Variants in TGM6 observed in about 807,000 individuals in gnomAD.
TGM6 encodes the protein transglutaminase 6.
In TGM6, 74 loss-of-function variants were observed where a neutral mutation model predicts 77.5. That is an observed-to-expected ratio of 0.96 (90% confidence interval 0.79 to 1.16). The LOEUF (loss-of-function observed/expected upper bound fraction) is 1.16. Ranked by LOEUF, TGM6 falls within the 50% of genes most tolerant of loss-of-function variation. TGM6 has a pLI of 0.00. For missense variants in TGM6, 968 were observed against 940.2 expected (o/e 1.03, Z -0.39); for synonymous variants, 383 against 378.9 (o/e 1.01, Z -0.12).
intron 1 of TGM6, among the ~76,000 whole-genome samples, chr20:2,385,363 G>C (rs948489033): frequency 2.2e-4 from 33 of 152,236 alleles, no homozygotes; most frequent in African/African-American, 2.6e-4. Flanking sequence ...GGCTGGGGAG[G>C]GGGGAGGTGT....
intron 9 of TGM6, among the ~76,000 whole-genome samples, chr20:2,406,866 A>AAAAAAAAG: frequency 7.0e-6 from 1 of 141,904 alleles, no homozygotes; most frequent in Non-Finnish European, 1.5e-5. Flanking sequence ...AAAAAAAAAA[A>AAAAAAAAG]CCATGGCCAC....
At chr20:2,404,983 T>C (rs920456906) in intron 9 of TGM6, among the ~76,000 whole-genome samples, 5 of 152,204 alleles carry the variant, frequency 3.3e-5, no homozygotes, top group Non-Finnish European at 5.9e-5. Flanking sequence ...GTTTCAGTTA[T>C]ATATCTTAAA....
In TGM6 at chr20:2,424,198, A is replaced by T. The variant is rs1221584889; in HGVS notation, c.1679-6248A>T. Among the ~76,000 whole-genome samples the T allele has an allele frequency of 2.0e-5, 3 of 152,190 alleles. No individual in the cohort carries two copies. In the East Asian group the frequency reaches 5.8e-4, roughly 29 times the overall value. On this transcript the variant is annotated intron_variant, in intron 10 of 12. Transcript: ENST00000202625. ...GCACAGAGTCAGCCTCTCCTTTGAA[A>T]CTTTGAAGCCAGGCATTGACTTCTG...
At chr20:2,418,661 C>A (rs2084834640) in intron 10 of TGM6, among the ~76,000 whole-genome samples, 1 of 152,238 alleles carries the variant, frequency 6.6e-6, no homozygotes, top group Non-Finnish European at 1.5e-5. Context: ...ATATGCTCAA[C>A]ACACCTAATG....
At chr20:2,399,433 A>G (rs1256033194) in intron 5 of TGM6, 128 bp from the exon 6 acceptor site, 8 of 1,274,324 alleles carry the variant, frequency 6.3e-6, no homozygotes, top group African/African-American at 1.5e-5. Flanking sequence ...CCTAATTTTC[A>G]GACAGTTAAA....
At chr20:2,386,748 C>A (rs2084599016) in intron 1 of TGM6, among the ~76,000 whole-genome samples, 1 of 152,102 alleles carries the variant, frequency 6.6e-6, no homozygotes, top group Non-Finnish European at 1.5e-5. Context: ...TCTTGCCCGT[C>A]TGTGATAAGG....
Position 2,406,831 on chromosome 20 carries a change from C to CAAAAAAAAAAAAAA in TGM6, c.1336+3030_1336+3043dup. ...CCTCAGCAACAAGTGCGAAACTCCT[C>CAAAAAAAAAAAAAA]AAAAAAAAAAAAAAAAAAAAAAAAA... On this transcript the variant is annotated intron_variant, in intron 9 of 12. Coordinates refer to ENST00000202625, the MANE Select transcript of TGM6 (RefSeq NM_198994.3). 1.4e-3 allele frequency among the ~76,000 whole-genome samples: 86 copies of CAAAAAAAAAAAAAA among 63,688 alleles called. 5 individuals carry two copies. The highest frequency in any genetic ancestry group is 1.8e-3 in the Admixed American group (6 of 3,370). 41.8% of individuals were successfully genotyped at this position (63,688 alleles called of 152,430 possible).
chr20:2,430,089 T>G (rs1355758360), intron 10 of TGM6, among the ~76,000 whole-genome samples: 1 of 152,154 alleles, frequency 6.6e-6, no homozygotes, highest in Non-Finnish European at 1.5e-5. Flanking sequence ...CAGAGAAGGA[T>G]GGGATGAATG....
chr20:2,388,628 C>A (rs6083028), intron 1 of TGM6, among the ~76,000 whole-genome samples: 110,244 of 149,646 alleles, frequency 0.74, 40,987 homozygotes, highest in African/African-American at 0.8. Context: ...AACAAACAAA[C>A]AAAAAAAAAC....
chr20:2,432,359 T>C (rs1223369375), intron 12 of TGM6, 131 bp from the exon 13 acceptor site: 1 of 1,197,772 alleles, frequency 8.3e-7, no homozygotes, highest in Non-Finnish European at 1.2e-6. Flanking sequence ...GCAAACATGT[T>C]GATAAGGCTT....
In TGM6 at chr20:2,399,651, G is replaced by T; in HGVS notation, c.763G>T (p.Val255Leu). The T allele has an allele frequency of 6.2e-7, 1 of 1,613,820 alleles. No homozygotes were observed. The change falls in exon 6 of 13, where the codon GTG (valine) becomes TTG (leucine). Residue 255 changes from valine (V) to leucine (L), a missense_variant. Val to Leu is a conservative substitution (Grantham distance 32). Transcript: ENST00000202625. Reference sequence around the variant, plus strand: ...CAGCCCGCTGCACTGGCGCGGCAGCGTGGCCATTCTGCAGAAGTGGCTCAA... The same window carrying T: ...CAGCCCGCTGCACTGGCGCGGCAGCTTGGCCATTCTGCAGAAGTGGCTCAA... ...GTSPLHWRGS[V>L]AILQKWLKGR...
intron 1 of TGM6, among the ~76,000 whole-genome samples, chr20:2,384,152 G>T (rs757705702): frequency 1.3e-5 from 2 of 150,610 alleles, no homozygotes; most frequent in Non-Finnish European, 2.9e-5. Flanking sequence ...GCTCATCACT[G>T]TGGACCCAGC....
At chr20:2,413,199 T>A (rs2084795116) in intron 9 of TGM6, among the ~76,000 whole-genome samples, 1 of 152,172 alleles carries the variant, frequency 6.6e-6, no homozygotes, top group Non-Finnish European at 1.5e-5. Context: ...TCCCTTCAGT[T>A]CAGGAAATCT....
In TGM6 at chr20:2,389,532, TG is replaced by T. The variant is rs1395749195; in HGVS notation, c.8-4919del. Reference sequence around the variant, plus strand: ...TAGATGAGTAAAACATCAACTTTTTTGTCCGTAATACCCTCCCTCTCAATAT... The same window carrying T: ...TAGATGAGTAAAACATCAACTTTTTTTCCGTAATACCCTCCCTCTCAATAT... On this transcript the variant is annotated intron_variant, in intron 1 of 12. Coordinates refer to ENST00000202625, the MANE Select transcript of TGM6 (RefSeq NM_198994.3). Among the ~76,000 whole-genome samples, 3 of 152,356 alleles carry T rather than the reference TG, an allele frequency of 2.0e-5. No homozygotes were observed. In the East Asian group the frequency reaches 5.8e-4, roughly 29 times the overall value.
chr20:2,396,752 C>CTCAT (rs2084671499), intron 4 of TGM6, 128 bp downstream of exon 4: 11 of 829,934 alleles, frequency 1.3e-5, no homozygotes, highest in Non-Finnish European at 2.0e-5. Context: ...AGAAAACCCA[C>CTCAT]TCATTCATTC....
At chr20:2,432,276 G>A (rs1283056328) in intron 12 of TGM6, among the ~76,000 whole-genome samples, 2 of 152,102 alleles carry the variant, frequency 1.3e-5, no homozygotes, top group Non-Finnish European at 2.9e-5. Flanking sequence ...TCGAACTCCT[G>A]ACCTCAGATG....
intron 10 of TGM6, among the ~76,000 whole-genome samples, chr20:2,425,616 C>T (rs35864458): frequency 1.3e-5 from 2 of 152,146 alleles, no homozygotes; most frequent in Non-Finnish European, 2.9e-5. Flanking sequence ...AGTCCTCTAA[C>T]TTTGTTCCTC....
chr20:2,417,354 C>T lies in TGM6; in HGVS notation c.1459C>T (p.Leu487=). ...GGRCLWRDDL[L]EPATKPSIAG... The stretch of plus-strand genomic sequence containing the variant: ...TCGCTGTCTCTGGCGTGACGACCTC[C>T]TGGAGCCTGCCACCAAGCCCAGCAT... Residue 487 remains leucine (L), a synonymous_variant, in exon 10 of 13, where the codon CTG becomes TTG. Transcript: ENST00000202625. 6.2e-7 allele frequency: 1 copy of T among 1,613,924 alleles called. No homozygotes were observed. The highest frequency in any genetic ancestry group is 2.2e-5 in the East Asian group (1 of 44,870).
chr20:2,386,827 GGATCCATGGAGCTTGAA>G (rs2084599669), intron 1 of TGM6, among the ~76,000 whole-genome samples: 2 of 152,144 alleles, frequency 1.3e-5, no homozygotes, highest in African/African-American at 4.8e-5. Flanking sequence ...AACCAGTGCA[GGATCCATGGAGCTTGAA>G]CCCATGACCC....
Sources: allele counts gnomAD v4.1 joint callset (sites outside exome capture counted in the v4.1 genomes callset), GRCh38; gene constraint gnomAD v4.1.1; transcripts MANE v1.5; gene names NCBI Gene and HGNC (gene_info 2026-07-23, HGNC 2026-07-21).